KCNIP4: variants seen among roughly 807,000 people sequenced by gnomAD.
The protein encoded by KCNIP4 is Kv channel-interacting protein 4.
In KCNIP4, 12 loss-of-function variants were observed where a neutral mutation model predicts 34.0. That is an observed-to-expected ratio of 0.35 (90% confidence interval 0.23 to 0.57). The LOEUF is 0.57. Among genes scored for constraint, KCNIP4 ranks in the 20% least tolerant of loss-of-function variants. The pLI is 0.83. For missense variants in KCNIP4, 238 were observed against 311.7 expected, an observed-to-expected ratio of 0.76 and a Z score of 1.78; for synonymous variants, 124 against 102.2, an observed-to-expected ratio of 1.21 and a Z score of -1.29.
chr4:20,765,464 G>T (rs944219494), intron 3 of KCNIP4, among the ~76,000 whole-genome samples: 1 of 152,168 alleles, frequency 6.6e-6, no homozygotes, highest in African/African-American at 2.4e-5. Flanking sequence ...GTGCATTGTA[G>T]CTTGAGAGAT....
At chr4:21,106,809 G>A (rs184976121) in intron 1 of KCNIP4, among the ~76,000 whole-genome samples, 1,551 of 151,432 alleles carry the variant, frequency 0.01, 27 homozygotes, top group African/African-American at 0.014. Flanking sequence ...CTTTTTTCTC[G>A]TTGGTGTCAA....
At position 21,417,208 on chromosome 4, in the gene KCNIP4, C is replaced by T. The variant is rs551587471; in HGVS notation, c.61+531363G>A. 2.0e-4 allele frequency among the ~76,000 whole-genome samples: 31 copies of T among 151,836 alleles called. No individual in the cohort carries two copies. The East Asian group carries it at 4.7e-3, about 23-fold the overall frequency. The stretch of plus-strand genomic sequence containing the variant: ...TTCACATACTGCCCAAACATAAGGT[C>T]GTGCAGAGCACAAGAAAAGAGAGAG... On this transcript the variant is annotated intron_variant, in intron 1 of 8. Coordinates refer to ENST00000382152, the MANE Select transcript of KCNIP4 (RefSeq NM_025221.6).
intron 1 of KCNIP4, among the ~76,000 whole-genome samples, chr4:21,046,922 A>T (rs1293839493): frequency 6.6e-6 from 1 of 152,156 alleles, no homozygotes; most frequent in Non-Finnish European, 1.5e-5. Flanking sequence ...TACTTTTATT[A>T]CTGTTGTTTG....
At position 21,610,990 on chromosome 4, in the gene KCNIP4, C is replaced by A. The variant is rs148552791; in HGVS notation, c.61+337581G>T. Among the ~76,000 whole-genome samples, 1,040 of 152,130 alleles carry A rather than the reference C, an allele frequency of 6.8e-3. 12 individuals carry two copies. Among genetic ancestry groups the A allele is most frequent in the African/African-American group, 0.023 (969 of 41,496 alleles). On this transcript the variant is annotated intron_variant, in intron 1 of 8. Coordinates refer to ENST00000382152, the MANE Select transcript of KCNIP4 (RefSeq NM_025221.6). ...CCTAGACCCCCACCCCCTGACAGGC[C>A]CCAGTGTGTGATGTTCTCCTCCCTG...
intron 1 of KCNIP4, among the ~76,000 whole-genome samples, chr4:21,134,450 T>C (rs1245075783): frequency 1.3e-5 from 2 of 152,236 alleles, no homozygotes; most frequent in African/African-American, 4.8e-5. Context: ...CAAAAGTATG[T>C]CATTACTAGT....
intron 1 of KCNIP4, among the ~76,000 whole-genome samples, chr4:20,944,600 C>T (rs1034773943): frequency 1.1e-4 from 17 of 152,212 alleles, no homozygotes; most frequent in Non-Finnish European, 2.9e-5. Context: ...TGTGATGAGG[C>T]TCTGCACTCA....
chr4:21,007,037 CTGTT>C (rs1338084876), intron 1 of KCNIP4, among the ~76,000 whole-genome samples: 1 of 152,152 alleles, frequency 6.6e-6, no homozygotes, highest in Non-Finnish European at 1.5e-5. Flanking sequence ...AGAGGGAACA[CTGTT>C]TGAGTCAGTG....
At chr4:21,172,922 T>G (rs1387009456) in intron 1 of KCNIP4, among the ~76,000 whole-genome samples, 2 of 152,200 alleles carry the variant, frequency 1.3e-5, no homozygotes, top group African/African-American at 4.8e-5. Context: ...CATACTCAGA[T>G]GATTCTTGGT....
chr4:21,131,079 A>G (rs1013172169), intron 1 of KCNIP4, among the ~76,000 whole-genome samples: 3 of 152,146 alleles, frequency 2.0e-5, no homozygotes, highest in Non-Finnish European at 4.4e-5. Context: ...ATTTCTGTAT[A>G]TATATGCTCC....
intron 1 of KCNIP4, among the ~76,000 whole-genome samples, chr4:21,729,006 C>T (rs914553614): frequency 9.2e-5 from 14 of 152,180 alleles, no homozygotes; most frequent in African/African-American, 1.7e-4. Flanking sequence ...CACATGCACG[C>T]TTGTTCCTTG....
chr4:20,855,898 G>A (rs1173158974), intron 2 of KCNIP4, among the ~76,000 whole-genome samples: 1 of 152,164 alleles, frequency 6.6e-6, no homozygotes, highest in Non-Finnish European at 1.5e-5. Flanking sequence ...AAATTGAGCT[G>A]ACAAGGATAA....
At chr4:21,436,625 C>T (rs774490627) in intron 1 of KCNIP4, among the ~76,000 whole-genome samples, 2 of 152,142 alleles carry the variant, frequency 1.3e-5, no homozygotes, top group African/African-American at 2.4e-5. Flanking sequence ...TGTCTCTGCA[C>T]TTTCTGTCTG....
chr4:20,958,267 A>G (rs889338961), intron 1 of KCNIP4, among the ~76,000 whole-genome samples: 3 of 152,248 alleles, frequency 2.0e-5, no homozygotes, highest in Admixed American at 6.5e-5. Flanking sequence ...TTCCTCTTTC[A>G]GAGAACACAA....
At chr4:21,719,846 C>G (rs925249274) in intron 1 of KCNIP4, among the ~76,000 whole-genome samples, 2 of 151,760 alleles carry the variant, frequency 1.3e-5, no homozygotes, top group African/African-American at 2.4e-5. Context: ...ACCTGTAATC[C>G]CAGCTACTTG....
At position 21,806,133 on chromosome 4, in the gene KCNIP4, T is replaced by C. The variant is rs116151723; in HGVS notation, c.61+142438A>G. Among the ~76,000 whole-genome samples, 1,338 of 152,292 alleles carry C rather than the reference T, an allele frequency of 8.8e-3. 24 individuals are homozygous for C. The highest frequency in any genetic ancestry group is 0.03 in the African/African-American group (1,257 of 41,562). On this transcript the variant is annotated intron_variant, in intron 1 of 8. Coordinates refer to ENST00000382152, the MANE Select transcript of KCNIP4 (RefSeq NM_025221.6). ...ATGCTTAAATGTTACCAAAACATTA[T>C]ATACTCTGGACCTCTTCCAAACGAA...
chr4:21,251,481 G>C (rs1760694821), intron 1 of KCNIP4, among the ~76,000 whole-genome samples: 1 of 152,062 alleles, frequency 6.6e-6, no homozygotes, highest in African/African-American at 2.4e-5. Context: ...AATCACTAGA[G>C]TGTTTGTTGC....
At chr4:21,334,664 G>C (rs996071556) in intron 1 of KCNIP4, among the ~76,000 whole-genome samples, 4 of 151,932 alleles carry the variant, frequency 2.6e-5, no homozygotes, top group African/African-American at 9.7e-5. Context: ...CTTACTTACA[G>C]TAACAGCCGT....
At chr4:21,355,998 A>G (rs1014320634) in intron 1 of KCNIP4, among the ~76,000 whole-genome samples, 3 of 152,226 alleles carry the variant, frequency 2.0e-5, no homozygotes, top group Non-Finnish European at 4.4e-5. Context: ...CTGGTTCAAC[A>G]TACGCAAATC....
At chr4:20,835,944 C>T (rs1233105559) in intron 3 of KCNIP4, among the ~76,000 whole-genome samples, 2 of 152,154 alleles carry the variant, frequency 1.3e-5, no homozygotes, top group East Asian at 3.9e-4. Context: ...AATACTTTCA[C>T]TTCTTTGTAT....
Sources: gnomAD v4.1 joint callset for allele counts (sites outside exome capture counted in the v4.1 genomes callset) on GRCh38, gnomAD v4.1.1 for gene constraint, MANE v1.5 for transcripts, NCBI Gene and HGNC (gene_info 2026-07-23, HGNC 2026-07-21) for gene names.